LRRC37A2: variants seen among roughly 807,000 people sequenced by gnomAD.
The protein encoded by LRRC37A2 is leucine rich repeat containing 37 member A2.
Under a neutral mutation model 68.8 loss-of-function variants are expected in LRRC37A2, and 9 were observed. The observed-to-expected ratio is 0.13, with a 90% confidence interval of 0.08 to 0.23. LRRC37A2 has a LOEUF of 0.23. Ranked by LOEUF, LRRC37A2 falls within the 10% of genes least tolerant of loss-of-function variation. The pLI, the probability that LRRC37A2 is intolerant of heterozygous loss-of-function variation, is 1.00. For missense variants in LRRC37A2, 168 were observed against 950.4 expected, an observed-to-expected ratio of 0.18 and a Z score of 10.82; for synonymous variants, 63 against 367.6, an observed-to-expected ratio of 0.17 and a Z score of 9.48.
At chr17:46,741,260 G>A in the LRRC37A2 span, among the ~76,000 whole-genome samples, 1 of 152,150 alleles carries the variant, frequency 6.6e-6, no homozygotes, top group African/African-American at 2.4e-5. Flanking sequence ...TTTAAGAGCT[G>A]CTCCCAATGT....
intron 11 of LRRC37A2, among the ~76,000 whole-genome samples, chr17:46,551,375 C>A (rs1400516396): frequency 6.6e-6 from 1 of 150,614 alleles, no homozygotes. Flanking sequence ...CGCTATGCCA[C>A]CAGTCCAACC....
chr17:46,732,848 GA>G, the LRRC37A2 span, among the ~76,000 whole-genome samples: 1 of 152,138 alleles, frequency 6.6e-6, no homozygotes, highest in Non-Finnish European at 1.5e-5. Flanking sequence ...AGCCAAGCCG[GA>G]AAAAAGGGCT....
At chr17:46,788,784 TCAG>T in the LRRC37A2 span, among the ~76,000 whole-genome samples, 1 of 151,880 alleles carries the variant, frequency 6.6e-6, no homozygotes, top group African/African-American at 2.4e-5. Context: ...TTCCCTGCCC[TCAG>T]CAGCCCCACT....
At chr17:46,732,878 C>T in the LRRC37A2 span, among the ~76,000 whole-genome samples, 1 of 152,220 alleles carries the variant, frequency 6.6e-6, no homozygotes, top group Non-Finnish European at 1.5e-5. Context: ...AACTCAGCAG[C>T]AGCAGCTAAG....
chr17:46,865,768 G>A, the LRRC37A2 span, among the ~76,000 whole-genome samples: 2 of 152,096 alleles, frequency 1.3e-5, no homozygotes, highest in African/African-American at 4.8e-5. Flanking sequence ...ACCATGCCCA[G>A]CTAATTTTTT....
chr17:46,779,339 C>G, the LRRC37A2 span, among the ~76,000 whole-genome samples: 1 of 152,174 alleles, frequency 6.6e-6, no homozygotes, highest in Non-Finnish European at 1.5e-5. Flanking sequence ...AGAGACCTGC[C>G]TGGCACTGAC....
intron 11 of LRRC37A2, among the ~76,000 whole-genome samples, chr17:46,552,951 A>G (rs2056935921): frequency 7.0e-6 from 1 of 142,988 alleles, no homozygotes; most frequent in Non-Finnish European, 1.5e-5. Flanking sequence ...GCTACTCAAG[A>G]GGCTGAGGTG....
the LRRC37A2 span, among the ~76,000 whole-genome samples, chr17:46,909,144 C>T: frequency 1.3e-5 from 2 of 152,188 alleles, no homozygotes; most frequent in Non-Finnish European, 2.9e-5. Flanking sequence ...CTCCAACTCC[C>T]GGGCTCCCAA....
chr17:46,720,354 C>T, the LRRC37A2 span, among the ~76,000 whole-genome samples: 2 of 152,104 alleles, frequency 1.3e-5, no homozygotes, highest in South Asian at 2.1e-4. Context: ...TGGTGCAGAA[C>T]TTTCAGACCT....
chr17:46,703,793 C>T, the LRRC37A2 span, among the ~76,000 whole-genome samples: 16 of 146,724 alleles, frequency 1.1e-4, no homozygotes, highest in Non-Finnish European at 1.8e-4. Flanking sequence ...GTTGTGCAAC[C>T]ATCACTACCA....
At chr17:46,855,944 C>T in the LRRC37A2 span, among the ~76,000 whole-genome samples, 1 of 152,188 alleles carries the variant, frequency 6.6e-6, no homozygotes, top group Non-Finnish European at 1.5e-5. Context: ...CCACCTCAGC[C>T]TCCCAAACTG....
the LRRC37A2 span, chr17:46,704,721 C>T: frequency 5.0e-6 from 8 of 1,591,258 alleles, no homozygotes; most frequent in South Asian, 8.1e-5. Context: ...ATTCTTAAAT[C>T]TTGGAAGTCC....
At chr17:46,906,242 C>A in the LRRC37A2 span, among the ~76,000 whole-genome samples, 2 of 152,146 alleles carry the variant, frequency 1.3e-5, no homozygotes, top group African/African-American at 2.4e-5. Flanking sequence ...AAGGCCTTCA[C>A]CCAGCCTCTT....
At chr17:46,595,569 G>C in the LRRC37A2 span, among the ~76,000 whole-genome samples, 1 of 130,432 alleles carries the variant, frequency 7.7e-6, no homozygotes, top group African/African-American at 3.7e-5. Context: ...TGGCCTCACT[G>C]CAACCTCTGC....
the LRRC37A2 span, among the ~76,000 whole-genome samples, chr17:46,767,623 C>G: frequency 6.6e-6 from 1 of 152,210 alleles, no homozygotes; most frequent in Non-Finnish European, 1.5e-5. Context: ...TAGGACCAGA[C>G]GTCAGGTCTC....
At chr17:47,019,072 A>G in the LRRC37A2 span, 37 of 1,339,414 alleles carry the variant, frequency 2.8e-5, no homozygotes, top group East Asian at 2.3e-4. Flanking sequence ...GAGGTTGGAC[A>G]TTCTACACCC....
chr17:46,789,626 C>T, the LRRC37A2 span, among the ~76,000 whole-genome samples: 6 of 152,180 alleles, frequency 3.9e-5, no homozygotes, highest in Non-Finnish European at 8.8e-5. Flanking sequence ...AGGAACAAAC[C>T]AAATGACACC....
the LRRC37A2 span, chr17:46,935,518 G>A: frequency 3.9e-6 from 5 of 1,289,122 alleles, no homozygotes; most frequent in African/African-American, 1.5e-5. Flanking sequence ...TGAAGACGTG[G>A]CTGTCCTTTG....
the LRRC37A2 span, among the ~76,000 whole-genome samples, chr17:46,839,920 C>CTTTCTT: frequency 1.3e-5 from 1 of 75,882 alleles, no homozygotes. Context: ...TCTTTTCTTT[C>CTTTCTT]TTTCTTTCTT....
Sources: allele counts gnomAD v4.1 joint callset (sites outside exome capture counted in the v4.1 genomes callset), GRCh38; gene constraint gnomAD v4.1.1; transcripts MANE v1.5; gene names NCBI Gene and HGNC (gene_info 2026-07-23, HGNC 2026-07-21).